Variants in OGDH observed in about 807,000 individuals in gnomAD.
OGDH encodes oxoglutarate dehydrogenase.
In OGDH, 38 loss-of-function variants were observed where a neutral mutation model predicts 116.6. The ratio of observed to expected loss-of-function variants is 0.33; its 90% confidence interval spans 0.25 to 0.43. The LOEUF (loss-of-function observed/expected upper bound fraction) is 0.43, where lower values mean the gene tolerates loss of function less well. Ranked by LOEUF, OGDH falls within the 20% of genes least tolerant of loss-of-function variation. The pLI, the probability that OGDH is intolerant of heterozygous loss-of-function variation, is 1.00. For missense variants in OGDH, 825 were observed against 1,357.2 expected (o/e 0.61, Z 6.16); for synonymous variants, 488 against 533.3 (o/e 0.92, Z 1.17).
intron 5 of OGDH, 30 bp downstream of exon 5, chr7:44,666,881 G>A (rs1056763268): frequency 3.6e-6 from 5 of 1,388,850 alleles, no homozygotes; most frequent in Non-Finnish European, 5.1e-6. Context: ...AAATCTAATG[G>A]ACTTCTTAAG....
intron 2 of OGDH, among the ~76,000 whole-genome samples, chr7:44,626,336 TAC>T (rs138545641): frequency 0.5 from 71,972 of 144,156 alleles, 17,824 homozygotes; most frequent in East Asian, 0.7. Flanking sequence ...CACACACCCC[TAC>T]ACACACACAC....
intron 1 of OGDH, among the ~76,000 whole-genome samples, chr7:44,608,532 C>G (rs1784443426): frequency 1.3e-5 from 2 of 152,078 alleles, no homozygotes; most frequent in South Asian, 4.1e-4. Flanking sequence ...AACCCTGTCT[C>G]TACTAAAAAT....
chr7:44,676,849 T>C (rs111806561), intron 9 of OGDH, among the ~76,000 whole-genome samples: 204 of 152,132 alleles, frequency 1.3e-3, no homozygotes, highest in African/African-American at 4.2e-3. Flanking sequence ...AAGGAAAAAG[T>C]GTAGGTGAGC....
At chr7:44,609,217 A>T (rs79532347) in intron 1 of OGDH, among the ~76,000 whole-genome samples, 1,612 of 151,740 alleles carry the variant, frequency 0.011, 28 homozygotes, top group African/African-American at 0.037. Context: ...TGGGTAGTTC[A>T]TTCCTTGGCC....
intron 2 of OGDH, among the ~76,000 whole-genome samples, chr7:44,636,002 C>T (rs113375960): frequency 8.1e-4 from 123 of 152,330 alleles, no homozygotes; most frequent in African/African-American, 2.8e-3. Flanking sequence ...TACACCTGGC[C>T]GGACTTTATA....
At chr7:44,632,568 G>GC (rs1251374537) in intron 2 of OGDH, among the ~76,000 whole-genome samples, 1 of 152,120 alleles carries the variant, frequency 6.6e-6, no homozygotes, top group Non-Finnish European at 1.5e-5. Flanking sequence ...CTCCTAAAGT[G>GC]GTGGGATTAC....
intron 5 of OGDH, among the ~76,000 whole-genome samples, chr7:44,672,637 G>GTTTTTTTTTTTTT (rs1175741464): frequency 4.4e-5 from 6 of 135,840 alleles, no homozygotes; most frequent in African/African-American, 1.8e-4. Context: ...ATTTCTTTTT[G>GTTTTTTTTTTTTT]TTTTTTGTTT....
chr7:44,615,084 G>C (rs1784718859), intron 1 of OGDH, among the ~76,000 whole-genome samples: 1 of 152,138 alleles, frequency 6.6e-6, no homozygotes, highest in African/African-American at 2.4e-5. Context: ...ACCTACCTCA[G>C]CCTCCCAAAG....
intron 1 of OGDH, among the ~76,000 whole-genome samples, chr7:44,609,339 C>CAAAAA (rs1185554089): frequency 3.8e-4 from 31 of 81,562 alleles, no homozygotes; most frequent in African/African-American, 1.4e-3. Flanking sequence ...CTCGTCTCTA[C>CAAAAA]AAAAAAAAAA....
At position 44,682,751 on chromosome 7, in the gene OGDH, T is replaced by G. The variant is rs542960196; in HGVS notation, c.1335+903T>G. Among the ~76,000 whole-genome samples, 17 of 150,418 alleles carry G rather than the reference T, an allele frequency of 1.1e-4. No individual in the cohort carries two copies. In the East Asian group the frequency reaches 3.3e-3, roughly 29 times the overall value. On this transcript the variant is annotated intron_variant, in intron 10 of 22. Transcript: ENST00000222673. ...GCCTGTGGTCCTAGCTACTTGGGGG[T>G]TTGAGATAGGAGGATCACTTGAACC...
intron 10 of OGDH, among the ~76,000 whole-genome samples, chr7:44,683,438 C>T (rs972384174): frequency 2.6e-5 from 4 of 151,592 alleles, no homozygotes; most frequent in Non-Finnish European, 4.4e-5. Flanking sequence ...ACTCTGTTAC[C>T]GAGGCTGCTC....
At chr7:44,635,237 G>C (rs1785611238) in intron 2 of OGDH, among the ~76,000 whole-genome samples, 1 of 152,174 alleles carries the variant, frequency 6.6e-6, no homozygotes, top group Non-Finnish European at 1.5e-5. Context: ...AGAATGAGCT[G>C]AAAGAAGAGC....
chr7:44,644,010 C>T (rs977512607), intron 2 of OGDH, among the ~76,000 whole-genome samples: 1 of 152,204 alleles, frequency 6.6e-6, no homozygotes, highest in African/African-American at 2.4e-5. Flanking sequence ...AGTTTGAGAC[C>T]AGCCTGGCCA....
intron 1 of OGDH, among the ~76,000 whole-genome samples, chr7:44,616,625 A>G (rs1444536209): frequency 1.3e-5 from 2 of 149,564 alleles, no homozygotes; most frequent in African/African-American, 2.5e-5. Flanking sequence ...ATGTATATAT[A>G]TATACACATG....
chr7:44,674,009 C>A, intron 6 of OGDH, 68 bp downstream of exon 6: 2 of 1,588,896 alleles, frequency 1.3e-6, no homozygotes, highest in Non-Finnish European at 1.7e-6. Context: ...CTGTGTTGAT[C>A]GGGCCTGTGT....
chr7:44,679,192 A>G (rs2116209612), intron 9 of OGDH, among the ~76,000 whole-genome samples: 1 of 152,346 alleles, frequency 6.6e-6, no homozygotes, highest in South Asian at 2.1e-4. Flanking sequence ...AAGACTGACT[A>G]CAGGTGCCCT....
intron 1 of OGDH, among the ~76,000 whole-genome samples, chr7:44,614,308 T>G (rs1784685657): frequency 6.7e-6 from 1 of 150,318 alleles, no homozygotes; most frequent in African/African-American, 2.5e-5. Flanking sequence ...TTTTTGTTTT[T>G]TTTGTTTGTT....
At chr7:44,678,699 C>T (rs1787802456) in intron 9 of OGDH, among the ~76,000 whole-genome samples, 1 of 152,212 alleles carries the variant, frequency 6.6e-6, no homozygotes, top group African/African-American at 2.4e-5. Context: ...CTCAAGCCCT[C>T]ACATGTCCCC....
intron 10 of OGDH, among the ~76,000 whole-genome samples, chr7:44,693,338 A>G (rs1788444544): frequency 1.3e-5 from 2 of 151,960 alleles, no homozygotes; most frequent in Non-Finnish European, 2.9e-5. Flanking sequence ...GGCTGGGCAC[A>G]GTGCCTCACT....
Sources: gnomAD v4.1 joint callset for allele counts (sites outside exome capture counted in the v4.1 genomes callset) on GRCh38, gnomAD v4.1.1 for gene constraint, MANE v1.5 for transcripts, NCBI Gene and HGNC (gene_info 2026-07-23, HGNC 2026-07-21) for gene names.